Variants in USP42 observed in about 807,000 individuals in gnomAD.
USP42 encodes the protein ubiquitin specific peptidase 42.
Under a neutral mutation model 113.0 loss-of-function variants are expected in USP42, and 23 were observed. The observed-to-expected ratio is 0.20, with a 90% CI of 0.15 to 0.29. The LOEUF is 0.29. Ranked by LOEUF, USP42 falls within the 10% of genes least tolerant of loss-of-function variation. USP42 has a pLI of 1.00. For synonymous variants in USP42, 933 were observed against 699.0 expected (o/e 1.33, Z -5.28); for missense variants, 2,174 against 1,779.8 (o/e 1.22, Z -3.99).
chr7:6,128,546 G>A (rs532029090), intron 3 of USP42, among the ~76,000 whole-genome samples: 1 of 152,236 alleles, frequency 6.6e-6, no homozygotes, highest in South Asian at 2.1e-4. Flanking sequence ...ACAGCGTATC[G>A]TTGGGTTGTG....
At chr7:6,102,388 A>G (rs918312386), upstream of USP42, among the ~76,000 whole-genome samples, 42 of 150,202 alleles carry the variant, frequency 2.8e-4, 1 homozygote, top group African/African-American at 1.0e-3. Context: ...CTGGGATTAC[A>G]GGCGTGAGCC....
chr7:6,159,600 A>T lies in USP42; in HGVS notation c.*36+107A>T. 1.7e-6 allele frequency: 2 copies of T among 1,194,962 alleles called. No homozygotes were observed. The highest frequency in any genetic ancestry group is 2.4e-6 in the Non-Finnish European group (2 of 836,928). 74.0% of individuals were successfully genotyped at this position (1,194,962 alleles called of 1,614,324 possible). On this transcript the variant is annotated intron_variant, in intron 17 of 17. Coordinates refer to ENST00000306177, the MANE Select transcript of USP42 (RefSeq NM_032172.3). This position sits in a 1 kb window ranked among gnomAD's most constrained non-coding sequence, Gnocchi z 4.1. ...TCTGCCTGGGGGCTGGGCTCATAGG[A>T]GTTGGCAGAGCCATGGAGAGGCCCC...
intron 12 of USP42, 42 bp from the exon 13 acceptor site, chr7:6,149,541 T>C (rs982783811): frequency 6.4e-7 from 1 of 1,561,998 alleles, no homozygotes; most frequent in Admixed American, 1.9e-5. Flanking sequence ...TGTGTGACCA[T>C]GTTTCTGGAG....
rs779417852 is a variant in USP42 at position 6,142,948 on chromosome 7, A to G, written c.812A>G (p.Asn271Ser). The G allele has an allele frequency of 6.2e-7, 1 of 1,613,978 alleles. No individual in the cohort carries two copies. The highest frequency in any genetic ancestry group is 1.1e-5 in the South Asian group (1 of 91,088). ...TCTTCCCAGGCTGCTCAGAGTGTCA[A>G]CAAGGCATTGGAGCAGTTTGTGAAG... ...TLEIKAAQSVNKALEQFVKPE... is the reference protein window; with the variant it reads ...TLEIKAAQSVSKALEQFVKPE... The change falls in exon 8 of 18, where the codon AAC (asparagine) becomes AGC (serine). Residue 271 changes from asparagine (N) to serine (S), a missense_variant. Physicochemically the swap from Asn to Ser is conservative, Grantham distance 46. Transcript: ENST00000306177.
intron 3 of USP42, among the ~76,000 whole-genome samples, chr7:6,126,670 G>C (rs1780564648): frequency 6.6e-6 from 1 of 152,040 alleles, no homozygotes; most frequent in South Asian, 2.1e-4. Flanking sequence ...TGGAGCTGCG[G>C]TAAACACATC....
At chr7:6,092,057 C>CTTTTT in the USP42 span, among the ~76,000 whole-genome samples, 1 of 56,586 alleles carries the variant, frequency 1.8e-5, no homozygotes, top group East Asian at 3.2e-4. Context: ...CTTCTTCTTT[C>CTTTTT]TTCTTCTTCT....
chr7:6,134,129 G>C (rs1017993298), intron 3 of USP42, among the ~76,000 whole-genome samples: 2 of 152,026 alleles, frequency 1.3e-5, no homozygotes, highest in African/African-American at 4.8e-5. Context: ...CTGACCTCGT[G>C]ATCTGCCCTC....
At chr7:6,117,058 A>C (rs985111540) in intron 3 of USP42, 18 of 307,244 alleles carry the variant, frequency 5.9e-5, no homozygotes, top group Non-Finnish European at 1.1e-4. Flanking sequence ...TATATACCAA[A>C]TTACACATAT....
chr7:6,161,243 T>G lies in USP42; in HGVS notation c.*725T>G, dbSNP rs1451494984. 1 of 152,636 alleles carries G rather than the reference T, an allele frequency of 6.6e-6. No individual in the cohort carries two copies. Among genetic ancestry groups the G allele is most frequent in the East Asian group, 1.9e-4 (1 of 5,188 alleles). The allele number at this position is 152,636 out of a possible 1,614,324, so 9.5% of individuals were successfully genotyped here. A position where few individuals can be genotyped will look rare whatever the true frequency, so the allele number is the denominator to read the frequency against. ...ATACAGCGTCTCTTGTCTTCACTGA[T>G]ACTGGAGTCTCCGTTGTCTGCTTGG... On this transcript the variant is annotated 3_prime_UTR_variant, in exon 18 of 18. Transcript: ENST00000306177.
intron 14 of USP42, among the ~76,000 whole-genome samples, chr7:6,152,400 A>C (rs1782118531): frequency 6.6e-6 from 1 of 152,224 alleles, no homozygotes; most frequent in Non-Finnish European, 1.5e-5. Context: ...TGCCAGTGAC[A>C]CACCCGTAGT....
At chr7:6,155,814 C>T (rs868520518) in intron 15 of USP42, among the ~76,000 whole-genome samples, 12 of 152,274 alleles carry the variant, frequency 7.9e-5, no homozygotes, top group Admixed American at 2.0e-4. Context: ...TGCAGTGATG[C>T]CATCATAACT....
rs796797126 is a variant in USP42 at position 6,154,964 on chromosome 7, C to A, written c.3410C>A (p.Thr1137Asn). 1 of 1,560,014 alleles carries A rather than the reference C, an allele frequency of 6.4e-7. No homozygotes were observed. The highest frequency in any genetic ancestry group is 2.4e-5 in the East Asian group (1 of 41,654). The stretch of plus-strand genomic sequence containing the variant: ...CCCGACCGCTTCTCCCACGACAGAA[C>A]TGCACTTGTAGCCGGAGACAACTGT... ...PHPDRFSHDR[T>N]ALVAGDNCNL... The change falls in exon 15 of 18, where the codon ACT becomes AAT. Residue 1137 changes from threonine (T) to asparagine (N), a missense_variant. Thr to Asn is a moderately conservative substitution (Grantham distance 65, BLOSUM62 0). Coordinates refer to ENST00000306177, the MANE Select transcript of USP42 (RefSeq NM_032172.3).
At chr7:6,109,901 A>G (rs561473507) in intron 1 of USP42, among the ~76,000 whole-genome samples, 5 of 151,666 alleles carry the variant, frequency 3.3e-5, no homozygotes, top group East Asian at 2.0e-4. Flanking sequence ...AGGTTTCACT[A>G]TGTTGGCCAG....
intron 3 of USP42, among the ~76,000 whole-genome samples, chr7:6,122,146 T>C (rs1168605946): frequency 1.3e-5 from 2 of 152,206 alleles, no homozygotes; most frequent in South Asian, 4.1e-4. Flanking sequence ...TCTGTTCCAG[T>C]GTCTTAAGGT....
intron 14 of USP42, 88 bp downstream of exon 14, chr7:6,150,594 A>C: frequency 9.2e-7 from 1 of 1,089,642 alleles, no homozygotes; most frequent in Non-Finnish European, 1.4e-6. Flanking sequence ...AATGCTGTAG[A>C]AATTTTATAA....
intron 8 of USP42, 46 bp downstream of exon 8, chr7:6,143,060 G>T: frequency 6.3e-7 from 1 of 1,599,760 alleles, no homozygotes; most frequent in Non-Finnish European, 8.6e-7. Flanking sequence ...TTCTCCAGTG[G>T]GGATGGCCGG....
At chr7:6,092,079 TTCCTCTTCTTCTTCTTCCTCC>T in the USP42 span, among the ~76,000 whole-genome samples, 4 of 37,684 alleles carry the variant, frequency 1.1e-4, no homozygotes, top group African/African-American at 5.6e-4. Flanking sequence ...CTTCTTCCTC[TTCCTCTTCTTCTTCTTCCTCC>T]TCTTCTTCTT....
At chr7:6,145,157 C>CCCCG (rs1781643569) in intron 9 of USP42, among the ~76,000 whole-genome samples, 2 of 151,544 alleles carry the variant, frequency 1.3e-5, no homozygotes, top group East Asian at 3.9e-4. Context: ...GATGGTGAAA[C>CCCCG]CCCTGTCTCT....
At chr7:6,125,259 C>A (rs370423201) in intron 3 of USP42, among the ~76,000 whole-genome samples, 50 of 149,704 alleles carry the variant, frequency 3.3e-4, no homozygotes, top group African/African-American at 1.2e-3. Flanking sequence ...GAGGCTGAGG[C>A]TGGAGGATCA....
Sources: gnomAD v4.1 joint callset for allele counts (sites outside exome capture counted in the v4.1 genomes callset) on GRCh38, gnomAD v4.1.1 for gene constraint, Gnocchi (gnomAD v3.1) non-coding constraint, MANE v1.5 for transcripts, NCBI Gene and HGNC (gene_info 2026-07-23, HGNC 2026-07-21) for gene names.